CD99: variants seen among roughly 807,000 people sequenced by gnomAD.
CD99 encodes the protein CD99 molecule (Xg blood group).
Under a neutral mutation model 28.4 loss-of-function variants are expected in CD99, and 19 were observed. The ratio of observed to expected loss-of-function variants is 0.67; its 90% CI spans 0.47 to 0.98. The LOEUF (loss-of-function observed/expected upper bound fraction) is 0.98, where lower values mean the gene tolerates loss of function less well. Ranked by LOEUF, CD99 falls within the 50% of genes least tolerant of loss-of-function variation. The pLI, the probability that CD99 is intolerant of heterozygous loss-of-function variation, is 0.00. For missense variants in CD99, 283 were observed against 248.8 expected (o/e 1.14, Z -0.92); for synonymous variants, 103 against 92.1 (o/e 1.12, Z -0.67).
At chrX:2,691,557 C>A in intron 1 of CD99, 130 bp downstream of exon 1, 2 of 1,044,990 alleles carry the variant, frequency 1.9e-6, no homozygotes, top group Non-Finnish European at 1.4e-6. Flanking sequence ...CGGCAGGACG[C>A]GCTGTGCCCA....
chrX:2,721,568 T>G (rs1378975957), intron 5 of CD99, among the ~76,000 whole-genome samples: 1 of 152,166 alleles, frequency 6.6e-6, no homozygotes, highest in African/African-American at 2.4e-5. Context: ...ATCTCTGAGA[T>G]TACAGGCACG....
At chrX:2,703,448 C>T (rs997631449) in intron 1 of CD99, among the ~76,000 whole-genome samples, 24 of 152,054 alleles carry the variant, frequency 1.6e-4, no homozygotes, top group African/African-American at 3.6e-4. Context: ...CCACATAAAA[C>T]GCGCTTAGGT....
chrX:2,697,031 T>C (rs149076541), intron 1 of CD99, among the ~76,000 whole-genome samples: 2,433 of 152,212 alleles, frequency 0.016, 61 homozygotes, highest in East Asian at 0.085. Flanking sequence ...TGAAAGTAGC[T>C]TGCAGCCACC....
At chrX:2,698,048 C>A (rs940398365) in intron 1 of CD99, among the ~76,000 whole-genome samples, 1 of 151,792 alleles carries the variant, frequency 6.6e-6, no homozygotes, top group South Asian at 2.1e-4. Flanking sequence ...ACATAGCATC[C>A]GATAGACAGA....
intron 1 of CD99, among the ~76,000 whole-genome samples, chrX:2,698,551 C>T (rs1485492162): frequency 6.6e-6 from 1 of 152,062 alleles, no homozygotes; most frequent in African/African-American, 2.4e-5. Flanking sequence ...ACTGCAGCCT[C>T]GAACCCCCAG....
intron 1 of CD99, chrX:2,692,267 G>T (rs773199236): frequency 7.7e-6 from 2 of 259,786 alleles, no homozygotes; most frequent in Non-Finnish European, 1.5e-5. Context: ...TTTTTTCAAT[G>T]GTCAGTGCAT....
intron 1 of CD99, among the ~76,000 whole-genome samples, chrX:2,709,176 T>A (rs868156730): frequency 3.5e-5 from 3 of 84,814 alleles, no homozygotes; most frequent in Non-Finnish European, 1.2e-4. Flanking sequence ...CAGACACACA[T>A]GTGCATGCAC....
At chrX:2,732,283 C>T (rs2049658586) in intron 8 of CD99, among the ~76,000 whole-genome samples, 1 of 152,106 alleles carries the variant, frequency 6.6e-6, no homozygotes, top group Non-Finnish European at 1.5e-5. Context: ...GGAGCCTGAC[C>T]ACTTCCCACA....
intron 9 of CD99, among the ~76,000 whole-genome samples, chrX:2,739,941 A>G (rs2050121832): frequency 6.6e-6 from 1 of 150,568 alleles, no homozygotes; most frequent in South Asian, 2.1e-4. Context: ...AAAAAAAAAA[A>G]ATTAGCCAGG....
At position 2,725,502 on chromosome X, in the gene CD99, G is replaced by A. The variant is rs760544125; in HGVS notation, c.362-758G>A. Among the ~76,000 whole-genome samples the A allele has an allele frequency of 1.6e-4, 24 of 152,204 alleles. 1 individual carries two copies. The highest frequency in any genetic ancestry group is 5.8e-4 in the African/African-American group (24 of 41,442). On this transcript the variant is annotated intron_variant, in intron 7 of 9. Transcript: ENST00000381192. ...AGGGGTGAAAAAGGAGCATTCTAACGATACAAAACGCATTGGCAAATGCCC... is the reference window on the plus strand; with the variant it reads ...AGGGGTGAAAAAGGAGCATTCTAACAATACAAAACGCATTGGCAAATGCCC...
chrX:2,710,351 A>T (rs964407622), intron 1 of CD99, among the ~76,000 whole-genome samples: 29 of 152,018 alleles, frequency 1.9e-4, no homozygotes, highest in Non-Finnish European at 2.9e-4. Flanking sequence ...TATTTCCTGA[A>T]GCTTGGGAAG....
At chrX:2,721,865 C>T (rs1390375684) in intron 5 of CD99, among the ~76,000 whole-genome samples, 1 of 152,034 alleles carries the variant, frequency 6.6e-6, no homozygotes, top group East Asian at 1.9e-4. Flanking sequence ...AAATCTGAGT[C>T]AACTCCATGC....
In CD99 at chrX:2,726,186, C is replaced by T. The variant is rs2049270448; in HGVS notation, c.362-74C>T. 4.6e-6 allele frequency: 4 copies of T among 867,974 alleles called. No individual in the cohort carries two copies. In the Admixed American group the frequency reaches 8.1e-5, roughly 18 times the overall value. 53.8% of individuals were successfully genotyped at this position (867,974 alleles called of 1,614,324 possible). ...GGTGCTCTCAGACTGACTGTCTCTG[C>T]CAGCCACTGCCCCCTGGGATCTTCT... is the stretch of plus-strand genomic sequence containing the variant. On this transcript the variant is annotated intron_variant, in intron 7 of 9. Transcript: ENST00000381192.
chrX:2,720,256 G>C lies in CD99; in HGVS notation c.194-100G>C, dbSNP rs2048929059. 1.8e-5 allele frequency: 19 copies of C among 1,056,080 alleles called. No individual in the cohort carries two copies. In the South Asian group the frequency reaches 2.4e-4, roughly 13 times the overall value. 65.4% of individuals were successfully genotyped at this position (1,056,080 alleles called of 1,614,324 possible). A position where few individuals can be genotyped will look rare whatever the true frequency, so the allele number is the denominator to read the frequency against. The stretch of plus-strand genomic sequence containing the variant: ...GTATCCCCACCAGGACAAAGGCCAA[G>C]GTCCAATTTCTGTTCAGGGAACCAT... On this transcript the variant is annotated intron_variant, in intron 4 of 9. Coordinates refer to ENST00000381192, the MANE Select transcript of CD99 (RefSeq NM_002414.5).
chrX:2,713,138 A>G (rs1305962508), intron 1 of CD99, among the ~76,000 whole-genome samples: 2 of 151,116 alleles, frequency 1.3e-5, no homozygotes, highest in Non-Finnish European at 2.9e-5. Flanking sequence ...ACATACACAC[A>G]CAAACCCACA....
At chrX:2,695,383 T>G (rs998839205) in intron 1 of CD99, among the ~76,000 whole-genome samples, 4 of 151,942 alleles carry the variant, frequency 2.6e-5, no homozygotes, top group African/African-American at 9.7e-5. Context: ...TTTTGTATGT[T>G]TAGTAGAGAA....
intron 1 of CD99, among the ~76,000 whole-genome samples, chrX:2,698,406 C>T (rs1319593514): frequency 2.0e-5 from 3 of 151,706 alleles, no homozygotes; most frequent in Non-Finnish European, 4.4e-5. Context: ...TGGGCTCAAG[C>T]AAACCTCTCG....
intron 1 of CD99, among the ~76,000 whole-genome samples, chrX:2,702,367 A>C (rs920687255): frequency 6.0e-5 from 9 of 151,234 alleles, no homozygotes; most frequent in Non-Finnish European, 8.9e-5. Flanking sequence ...CCCATGGTGT[A>C]ACAACCAAAT....
At chrX:2,739,324 C>T (rs1470418249) in intron 9 of CD99, among the ~76,000 whole-genome samples, 2 of 152,026 alleles carry the variant, frequency 1.3e-5, no homozygotes, top group South Asian at 2.1e-4. Context: ...TGTATATGTG[C>T]GTGTATTTTT....
Sources: allele counts gnomAD v4.1 joint callset (sites outside exome capture counted in the v4.1 genomes callset), GRCh38; gene constraint gnomAD v4.1.1; transcripts MANE v1.5; gene names NCBI Gene and HGNC (gene_info 2026-07-23, HGNC 2026-07-21).